The following WDR43 variants were observed in gnomAD, a reference collection of about 807,000 sequenced individuals.
WDR43 encodes the protein WD repeat domain 43.
WDR43 carries 13 observed loss-of-function variants against 91.4 expected under a neutral mutation model. The ratio of observed to expected loss-of-function variants is 0.14; its 90% CI spans 0.09 to 0.23. The LOEUF (loss-of-function observed/expected upper bound fraction) is 0.23. Among genes scored for constraint, WDR43 ranks in the 10% least tolerant of loss-of-function variants. The pLI is 1.00. For synonymous variants in WDR43, 331 were observed against 287.9 expected, an observed-to-expected ratio of 1.15 and a Z score of -1.51; for missense variants, 780 against 809.4, an observed-to-expected ratio of 0.96 and a Z score of 0.44.
Position 28,929,565 on chromosome 2 carries a change from T to A in WDR43, c.1306-14T>A, listed in dbSNP as rs1237303596. On this transcript the variant is annotated splice_polypyrimidine_tract_variant and intron_variant, in intron 10 of 17. Transcript: ENST00000407426. ...TTGTCTGGTAACACATTAACAATCC[T>A]TTCTGTTCTGTAGGTTAGCATTGAA... The A allele has an allele frequency of 6.3e-7, 1 of 1,592,680 alleles. No homozygotes were observed. The highest frequency in any genetic ancestry group is 8.5e-7 in the Non-Finnish European group (1 of 1,169,890).
chr2:28,901,117 G>A (rs1254672220), intron 1 of WDR43, among the ~76,000 whole-genome samples: 2 of 152,086 alleles, frequency 1.3e-5, no homozygotes, highest in African/African-American at 4.8e-5. Flanking sequence ...TATGGTATTG[G>A]CTTGTTTTAC....
At chr2:28,898,914 C>T (rs1670530612) in intron 1 of WDR43, among the ~76,000 whole-genome samples, 1 of 152,192 alleles carries the variant, frequency 6.6e-6, no homozygotes, top group Non-Finnish European at 1.5e-5. Context: ...GTCTTCATCC[C>T]ATCTGTACAA....
chr2:28,894,866 G>C lies in WDR43; in HGVS notation c.168G>C (p.Ala56=), dbSNP rs776846386. ...TGCACCAGGAGTACGTGCCTTCCGC[G>C]CACCTCAGTGGTACCTGCACCTGTC... ...NRLHQEYVPS[A]HLSGTCTCLA... is the part of the protein sequence containing the mutation. Residue 56 remains alanine, a synonymous_variant, in exon 1 of 18, where the codon GCG becomes GCC. Coordinates refer to ENST00000407426, the MANE Select transcript of WDR43 (RefSeq NM_015131.3). 6.2e-7 allele frequency: 1 copy of C among 1,609,560 alleles called. No individual in the cohort carries two copies. Among genetic ancestry groups the C allele is most frequent in the Admixed American group, 1.7e-5 (1 of 59,464 alleles).
chr2:28,908,709 A>G (rs1267218070), intron 3 of WDR43, among the ~76,000 whole-genome samples: 1 of 152,196 alleles, frequency 6.6e-6, no homozygotes, highest in African/African-American at 2.4e-5. Flanking sequence ...TTCCAGCTTC[A>G]TCGTTAGCAT....
intron 6 of WDR43, among the ~76,000 whole-genome samples, chr2:28,919,488 C>G (rs1486141967): frequency 6.6e-6 from 1 of 152,018 alleles, no homozygotes; most frequent in Non-Finnish European, 1.5e-5. Context: ...AACCCTGTCT[C>G]TACTAAAAAT....
intron 3 of WDR43, among the ~76,000 whole-genome samples, chr2:28,911,435 A>G (rs1188466025): frequency 6.6e-6 from 1 of 151,466 alleles, no homozygotes; most frequent in Non-Finnish European, 1.5e-5. Flanking sequence ...CTGGGACTAT[A>G]GGCGTCCTCC....
chr2:28,904,198 G>T (rs1019476659), intron 2 of WDR43, among the ~76,000 whole-genome samples: 5 of 152,118 alleles, frequency 3.3e-5, no homozygotes, highest in Admixed American at 6.6e-5. Context: ...AGAGGGTCAG[G>T]GTGAGGGGTA....
At position 28,932,949 on chromosome 2, in the gene WDR43, C is replaced by G. The variant is rs142355198; in HGVS notation, c.1438-2572C>G. ...GTATATCTAAAACAGGTAACTGTCT[C>G]TACACTGAAAATTATAACAGTTGAG... is the stretch of plus-strand genomic sequence containing the variant. On this transcript the variant is annotated intron_variant, in intron 11 of 17. Coordinates refer to ENST00000407426, the MANE Select transcript of WDR43 (RefSeq NM_015131.3). Among the ~76,000 whole-genome samples, 202 of 152,258 alleles carry G rather than the reference C, an allele frequency of 1.3e-3. 1 individual carries two copies. Among genetic ancestry groups the G allele is most frequent in the Non-Finnish European group, 2.4e-3 (160 of 68,006 alleles).
chr2:28,929,969 G>C, intron 11 of WDR43: 1 of 568,544 alleles, frequency 1.8e-6, no homozygotes, highest in Non-Finnish European at 3.4e-6. Flanking sequence ...AGGTTATTAG[G>C]CTTTAGTTCA....
chr2:28,929,856 C>T, intron 11 of WDR43, 146 bp downstream of exon 11: 1 of 878,160 alleles, frequency 1.1e-6, no homozygotes, highest in African/African-American at 1.7e-5. Context: ...ACATGTATCA[C>T]TTGGTGGCAT....
At chr2:28,917,338 T>C (rs1441210068) in intron 5 of WDR43, among the ~76,000 whole-genome samples, 1 of 152,178 alleles carries the variant, frequency 6.6e-6, no homozygotes, top group Non-Finnish European at 1.5e-5. Context: ...ATCAACTGCA[T>C]ATGTGTGTAT....
chr2:28,907,135 C>T (rs1031635688), intron 3 of WDR43, among the ~76,000 whole-genome samples: 17 of 152,164 alleles, frequency 1.1e-4, no homozygotes, highest in African/African-American at 4.1e-4. Context: ...GTTCAACCAC[C>T]TGATCCTGAG....
chr2:28,899,228 T>C (rs1159708440), intron 1 of WDR43, among the ~76,000 whole-genome samples: 3 of 152,260 alleles, frequency 2.0e-5, no homozygotes, highest in African/African-American at 7.2e-5. Context: ...ATCTGTATAA[T>C]CTGTGCTGGG....
At chr2:28,918,646 G>T (rs1347468242) in intron 6 of WDR43, among the ~76,000 whole-genome samples, 1 of 152,148 alleles carries the variant, frequency 6.6e-6, no homozygotes, top group Admixed American at 6.5e-5. Flanking sequence ...TGGGATTACA[G>T]GTGTGAGCCA....
At chr2:28,943,286 C>T (rs1430447408) in intron 16 of WDR43, among the ~76,000 whole-genome samples, 2 of 152,076 alleles carry the variant, frequency 1.3e-5, no homozygotes, top group East Asian at 1.9e-4. Context: ...TGTTGAGCCA[C>T]CATGCCTGGC....
intron 3 of WDR43, among the ~76,000 whole-genome samples, chr2:28,911,140 C>T (rs1048652172): frequency 1.3e-5 from 2 of 150,690 alleles, no homozygotes; most frequent in African/African-American, 4.9e-5. Context: ...ATTATAAAAA[C>T]ATTCTCATAC....
At chr2:28,944,823 A>C (rs1225993693) in intron 16 of WDR43, among the ~76,000 whole-genome samples, 1 of 152,284 alleles carries the variant, frequency 6.6e-6, no homozygotes. Context: ...TAGTGTAGAC[A>C]GCGAAGCTGG....
intron 16 of WDR43, 99 bp downstream of exon 16, chr2:28,942,480 C>G: frequency 7.7e-7 from 1 of 1,304,884 alleles, no homozygotes; most frequent in Non-Finnish European, 1.1e-6. Flanking sequence ...ATAAGATCTT[C>G]CTTTGGCAAG....
chr2:28,937,900 A>G, intron 13 of WDR43, 31 bp from the exon 14 acceptor site: 1 of 1,608,480 alleles, frequency 6.2e-7, no homozygotes, highest in Non-Finnish European at 8.5e-7. Context: ...TGAATTTGTG[A>G]ACATTAGTTT....
Sources: allele counts gnomAD v4.1 joint callset (sites outside exome capture counted in the v4.1 genomes callset), GRCh38; gene constraint gnomAD v4.1.1; transcripts MANE v1.5; gene names NCBI Gene and HGNC (gene_info 2026-07-23, HGNC 2026-07-21).